The following TSHR variants were observed in gnomAD, a reference collection of about 807,000 sequenced individuals.
TSHR encodes the protein thyroid stimulating hormone receptor.
In TSHR, 51 loss-of-function variants were observed where a neutral mutation model predicts 64.1. The observed-to-expected ratio is 0.80, with a 90% CI of 0.64 to 1.01. The LOEUF is 1.01. TSHR is among the 50% of genes least tolerant of loss of function. The pLI is 0.00. For synonymous variants in TSHR, 361 were observed against 361.9 expected (o/e 1.00, Z 0.03); for missense variants, 877 against 942.8 (o/e 0.93, Z 0.91).
chr14:80,973,107 A>G (rs1037104600), intron 1 of TSHR, among the ~76,000 whole-genome samples: 5 of 152,098 alleles, frequency 3.3e-5, no homozygotes, highest in Non-Finnish European at 7.4e-5. Flanking sequence ...CTGAACATCA[A>G]AAAAATCTGC....
chr14:81,062,510 C>A (rs73351669), intron 2 of TSHR, among the ~76,000 whole-genome samples: 3,799 of 152,158 alleles, frequency 0.025, 153 homozygotes, highest in African/African-American at 0.087. Flanking sequence ...AAAACCTTAG[C>A]TGTAAATCTC....
At chr14:81,010,488 C>A (rs1031267073) in intron 1 of TSHR, among the ~76,000 whole-genome samples, 6 of 151,222 alleles carry the variant, frequency 4.0e-5, no homozygotes, top group African/African-American at 1.5e-4. Context: ...TTTTGTTTTT[C>A]TTTTTTAATG....
chr14:80,966,282 G>A lies in TSHR; in HGVS notation c.170+10432G>A, dbSNP rs558012845. 3.9e-5 allele frequency among the ~76,000 whole-genome samples: 6 copies of A among 152,190 alleles called. 1 individual carries two copies. Among genetic ancestry groups the A allele is most frequent in the African/African-American group, 1.2e-4 (5 of 41,512 alleles). On this transcript the variant is annotated intron_variant, in intron 1 of 9. Coordinates refer to ENST00000298171, the MANE Select transcript of TSHR (RefSeq NM_000369.5). ...TGAAAATAAAGAGGATCTAAGGACG[G>A]GCATAAATGAGATACTCTTCCATGA...
intron 1 of TSHR, chr14:80,982,457 C>G: frequency 8.7e-7 from 1 of 1,146,836 alleles, no homozygotes; most frequent in South Asian, 2.2e-5. Context: ...GTGACTGGGG[C>G]CAGTTGCAAA....
chr14:81,126,767 C>G (rs964364956), intron 8 of TSHR, among the ~76,000 whole-genome samples: 1 of 152,196 alleles, frequency 6.6e-6, no homozygotes, highest in Non-Finnish European at 1.5e-5. Flanking sequence ...ACGATAATTA[C>G]TTCTTCACTG....
intron 1 of TSHR, 95 bp from the exon 2 acceptor site, chr14:81,062,053 G>A: frequency 9.0e-7 from 1 of 1,113,526 alleles, no homozygotes. Flanking sequence ...TGTGAAAACT[G>A]TCATGCTTTT....
chr14:81,076,799 T>C (rs1262958351), intron 3 of TSHR, among the ~76,000 whole-genome samples: 1 of 152,220 alleles, frequency 6.6e-6, no homozygotes, highest in African/African-American at 2.4e-5. Context: ...CCAATTGATT[T>C]CCTCTAATTC....
At chr14:81,034,906 T>G (rs1208279002) in intron 1 of TSHR, among the ~76,000 whole-genome samples, 1 of 152,240 alleles carries the variant, frequency 6.6e-6, no homozygotes, top group Non-Finnish European at 1.5e-5. Context: ...TATGTGCAAT[T>G]GTATAGTCAG....
intron 1 of TSHR, among the ~76,000 whole-genome samples, chr14:81,015,155 C>G (rs1158756304): frequency 3.3e-5 from 5 of 152,068 alleles, no homozygotes; most frequent in Non-Finnish European, 1.5e-5. Flanking sequence ...TGCAAACAAC[C>G]AAAATCCTTT....
At chr14:81,087,858 C>A in intron 3 of TSHR, 96 bp from the exon 4 acceptor site, 1 of 1,026,218 alleles carries the variant, frequency 9.7e-7, no homozygotes, top group Non-Finnish European at 1.5e-6. Flanking sequence ...ATATTTTTCT[C>A]ATGAACGTTT....
chr14:80,979,666 C>T (rs1888070440), intron 1 of TSHR, among the ~76,000 whole-genome samples: 1 of 152,034 alleles, frequency 6.6e-6, no homozygotes, highest in African/African-American at 2.4e-5. Flanking sequence ...TAAGAGAAAA[C>T]TAAAAACATA....
chr14:81,101,999 G>A (rs1341096594), intron 7 of TSHR, among the ~76,000 whole-genome samples: 1 of 151,822 alleles, frequency 6.6e-6, no homozygotes, highest in South Asian at 2.1e-4. Flanking sequence ...GTGAAACCCC[G>A]TCTCTACTAA....
intron 1 of TSHR, among the ~76,000 whole-genome samples, chr14:81,010,688 T>C (rs1181470696): frequency 2.0e-5 from 3 of 152,192 alleles, no homozygotes; most frequent in Non-Finnish European, 2.9e-5. Context: ...TCTTATTGCA[T>C]TCATTAGAAA....
chr14:81,142,606 C>CTTTTT lies in TSHR; in HGVS notation c.882-318_882-314dup, dbSNP rs10711545. On this transcript the variant is annotated intron_variant, in intron 9 of 9. Transcript: ENST00000298171. ...CATTCGTGGGTTTTAAACAAGCATTCTTTTTTTTTTTTTTTTTTTTGAGAC... is the reference window on the plus strand; with the variant it reads ...CATTCGTGGGTTTTAAACAAGCATTCTTTTTTTTTTTTTTTTTTTTTTTTTGAGAC... Among the ~76,000 whole-genome samples the CTTTTT allele has an allele frequency of 1.8e-3, 179 of 97,230 alleles. 6 individuals carry two copies. Among genetic ancestry groups the CTTTTT allele is most frequent in the Middle Eastern group, 0.011 (2 of 174 alleles). 63.8% of individuals were successfully genotyped at this position (97,230 alleles called of 152,430 possible). A position where few individuals can be genotyped will look rare whatever the true frequency, so the allele number is the denominator to read the frequency against.
At chr14:81,130,940 G>A (rs1891216613) in intron 8 of TSHR, among the ~76,000 whole-genome samples, 1 of 88,578 alleles carries the variant, frequency 1.1e-5, no homozygotes, top group South Asian at 4.8e-4. Flanking sequence ...GCAGTGAGCC[G>A]AGATTGCGCC....
chr14:80,969,339 G>A lies in TSHR; in HGVS notation c.170+13489G>A, dbSNP rs757214884. Among the ~76,000 whole-genome samples, 262 of 152,268 alleles carry A rather than the reference G, an allele frequency of 1.7e-3. 1 individual carries two copies. Among genetic ancestry groups the A allele is most frequent in the Non-Finnish European group, 1.8e-3 (120 of 68,026 alleles). On this transcript the variant is annotated intron_variant, in intron 1 of 9. Transcript: ENST00000298171. ...CCTTGGTTGAGGCAATGCTGTACACGTTTTCATACTGGTAGATCAGGTATT... is the reference window on the plus strand; with the variant it reads ...CCTTGGTTGAGGCAATGCTGTACACATTTTCATACTGGTAGATCAGGTATT...
chr14:81,083,207 G>A (rs1888037166), intron 3 of TSHR, among the ~76,000 whole-genome samples: 1 of 152,140 alleles, frequency 6.6e-6, no homozygotes. Context: ...AAAGCCAGAT[G>A]TCCTGTGCTA....
At chr14:81,122,020 C>CTTTTTTTTTTTTTTT (rs1161879777) in intron 8 of TSHR, among the ~76,000 whole-genome samples, 2 of 44,904 alleles carry the variant, frequency 4.5e-5, no homozygotes, top group South Asian at 9.6e-4. Context: ...TTTTCTTTTC[C>CTTTTTTTTTTTTTTT]TTTTTTTTTT....
chr14:81,028,186 C>T (rs1459254854), intron 1 of TSHR, among the ~76,000 whole-genome samples: 1 of 151,980 alleles, frequency 6.6e-6, no homozygotes, highest in Non-Finnish European at 1.5e-5. Flanking sequence ...AAAAATTGAC[C>T]TTAGAAATCA....
Sources: gnomAD v4.1 joint callset for allele counts (sites outside exome capture counted in the v4.1 genomes callset) on GRCh38, gnomAD v4.1.1 for gene constraint, MANE v1.5 for transcripts, NCBI Gene and HGNC (gene_info 2026-07-23, HGNC 2026-07-21) for gene names.